The following ATXN1 variants were observed in gnomAD, a reference collection of about 807,000 sequenced individuals.
ATXN1 encodes ataxin 1.
A neutral mutation model predicts 56.4 loss-of-function variants in ATXN1; 8 were observed. The ratio of observed to expected loss-of-function variants is 0.14; its 90% CI spans 0.08 to 0.26. The LOEUF is 0.26. ATXN1 is among the 10% of genes least tolerant of loss of function. ATXN1 has a pLI of 1.00. For synonymous variants in ATXN1, 514 were observed against 494.6 expected, an observed-to-expected ratio of 1.04 and a Z score of -0.52; for missense variants, 987 against 1,106.5, an observed-to-expected ratio of 0.89 and a Z score of 1.53.
intron 6 of ATXN1, among the ~76,000 whole-genome samples, chr6:16,451,372 G>A (rs1465085700): frequency 6.6e-6 from 1 of 152,194 alleles, no homozygotes; most frequent in African/African-American, 2.4e-5. Context: ...GGCTGAGGCA[G>A]AAGAATCACT....
chr6:16,664,351 A>G lies in ATXN1; in HGVS notation c.-614-6450T>C, dbSNP rs117100786. Reference sequence around the variant, plus strand: ...TTATAGGCCTCTCTCTAAATAAAGTATGGATTTGAAGGAAAATGTCTTGCT... The same window carrying G: ...TTATAGGCCTCTCTCTAAATAAAGTGTGGATTTGAAGGAAAATGTCTTGCT... On this transcript the variant is annotated intron_variant, in intron 2 of 7. Transcript: ENST00000436367. Among the ~76,000 whole-genome samples, 36 of 152,316 alleles carry G rather than the reference A, an allele frequency of 2.4e-4. No individual in the cohort carries two copies. The East Asian group carries it at 5.2e-3, about 22-fold the overall frequency.
chr6:16,725,859 A>G (rs551861310), intron 2 of ATXN1, among the ~76,000 whole-genome samples: 4 of 152,346 alleles, frequency 2.6e-5, no homozygotes, highest in Non-Finnish European at 4.4e-5. Context: ...TTTTTAATCA[A>G]TTCAGATCCA....
intron 6 of ATXN1, among the ~76,000 whole-genome samples, chr6:16,472,141 C>T (rs979037274): frequency 6.6e-6 from 1 of 152,260 alleles, no homozygotes; most frequent in South Asian, 2.1e-4. Context: ...TGAAATAACA[C>T]GCAGGTGGCA....
At chr6:16,521,174 C>G (rs771257627) in intron 5 of ATXN1, among the ~76,000 whole-genome samples, 1 of 152,178 alleles carries the variant, frequency 6.6e-6, no homozygotes, top group African/African-American at 2.4e-5. Context: ...TCAAGTTTAC[C>G]TTCTGGGATT....
chr6:16,644,154 G>GT (rs1299503691), intron 3 of ATXN1, among the ~76,000 whole-genome samples: 1 of 152,170 alleles, frequency 6.6e-6, no homozygotes, highest in Non-Finnish European at 1.5e-5. Flanking sequence ...TGATGAAAAA[G>GT]TTCTGGAAAT....
intron 6 of ATXN1, among the ~76,000 whole-genome samples, chr6:16,463,081 TAGAGCAC>T (rs1305164640): frequency 6.6e-6 from 1 of 152,016 alleles, no homozygotes; most frequent in Non-Finnish European, 1.5e-5. Context: ...AATGGGAAAA[TAGAGCAC>T]AGGGAGTCAC....
intron 5 of ATXN1, among the ~76,000 whole-genome samples, chr6:16,494,607 G>A (rs764334560): frequency 1.3e-5 from 2 of 152,078 alleles, no homozygotes; most frequent in Non-Finnish European, 2.9e-5. Flanking sequence ...TTGTATGCAG[G>A]TTACATCTCC....
At chr6:16,480,893 C>T (rs948321975) in intron 6 of ATXN1, among the ~76,000 whole-genome samples, 10 of 151,974 alleles carry the variant, frequency 6.6e-5, no homozygotes, top group Non-Finnish European at 7.4e-5. Flanking sequence ...GGATGGGCTA[C>T]GCTTTGTCAG....
At chr6:16,612,443 A>C (rs1761809278) in intron 3 of ATXN1, among the ~76,000 whole-genome samples, 1 of 152,236 alleles carries the variant, frequency 6.6e-6, no homozygotes, top group Non-Finnish European at 1.5e-5. Context: ...ATAGGTGTAG[A>C]GTATAAAAGA....
At chr6:16,363,116 T>C (rs1172776933) in intron 6 of ATXN1, among the ~76,000 whole-genome samples, 1 of 152,180 alleles carries the variant, frequency 6.6e-6, no homozygotes, top group Non-Finnish European at 1.5e-5. Flanking sequence ...CAACAGACTT[T>C]TTCTGGAAAA....
At chr6:16,587,032 A>G (rs965115099) in intron 3 of ATXN1, among the ~76,000 whole-genome samples, 2 of 151,728 alleles carry the variant, frequency 1.3e-5, no homozygotes, top group African/African-American at 4.9e-5. Context: ...AAAAAAAAGT[A>G]TCAAATCACT....
At chr6:16,711,764 C>T (rs558562386) in intron 2 of ATXN1, among the ~76,000 whole-genome samples, 35 of 152,088 alleles carry the variant, frequency 2.3e-4, no homozygotes, top group Non-Finnish European at 2.8e-4. Context: ...ATTACAGGTG[C>T]GTGCCACTGC....
intron 2 of ATXN1, among the ~76,000 whole-genome samples, chr6:16,696,141 C>T (rs1759160887): frequency 6.6e-6 from 1 of 152,142 alleles, no homozygotes; most frequent in Non-Finnish European, 1.5e-5. Context: ...CTATGAATGC[C>T]TCAGGCCACA....
chr6:16,679,594 C>T (rs1057426122), intron 2 of ATXN1, among the ~76,000 whole-genome samples: 1 of 152,180 alleles, frequency 6.6e-6, no homozygotes, highest in African/African-American at 2.4e-5. Context: ...ACACTCCACA[C>T]AGGATTTTAT....
chr6:16,359,812 C>T (rs1761770117), intron 6 of ATXN1, among the ~76,000 whole-genome samples: 2 of 152,124 alleles, frequency 1.3e-5, no homozygotes, highest in South Asian at 4.1e-4. Context: ...GAAAAATTGA[C>T]ACCCCAGAGA....
At chr6:16,620,195 C>T (rs966513890) in intron 3 of ATXN1, among the ~76,000 whole-genome samples, 4 of 151,630 alleles carry the variant, frequency 2.6e-5, no homozygotes, top group Non-Finnish European at 5.9e-5. Flanking sequence ...CAGTAGTCTT[C>T]AAAGGCTGTA....
chr6:16,665,338 T>C (rs767407017), intron 2 of ATXN1, among the ~76,000 whole-genome samples: 2 of 152,232 alleles, frequency 1.3e-5, no homozygotes, highest in African/African-American at 2.4e-5. Flanking sequence ...CCCTGGTCAT[T>C]TGGAAAATTA....
intron 6 of ATXN1, among the ~76,000 whole-genome samples, chr6:16,450,279 T>G (rs1759727972): frequency 6.6e-6 from 1 of 151,156 alleles, no homozygotes; most frequent in African/African-American, 2.4e-5. Flanking sequence ...ATAAGTAATA[T>G]ATGAATGACT....
chr6:16,415,014 C>T (rs1237546750), intron 6 of ATXN1, among the ~76,000 whole-genome samples: 1 of 152,136 alleles, frequency 6.6e-6, no homozygotes, highest in East Asian at 1.9e-4. Flanking sequence ...GTACCAAGGG[C>T]CCAGAAAATT....
Sources: gnomAD v4.1 joint callset for allele counts (sites outside exome capture counted in the v4.1 genomes callset) on GRCh38, gnomAD v4.1.1 for gene constraint, MANE v1.5 for transcripts, NCBI Gene and HGNC (gene_info 2026-07-23, HGNC 2026-07-21) for gene names.